Variants in RALGAPA1 observed in about 807,000 individuals in gnomAD.
RALGAPA1 encodes the protein ral GTPase-activating protein subunit alpha-1.
Under a neutral mutation model 269.6 loss-of-function variants are expected in RALGAPA1, and 52 were observed. The ratio of observed to expected loss-of-function variants is 0.19; its 90% CI spans 0.15 to 0.24. RALGAPA1 has a LOEUF of 0.24. Among genes scored for constraint, RALGAPA1 ranks in the 10% least tolerant of loss-of-function variants. The probability of loss-of-function intolerance (pLI) is 1.00; values close to 1 mark genes in which losing one functional copy is unlikely to be tolerated. For missense variants in RALGAPA1, 1,917 were observed against 3,013.9 expected (o/e 0.64, Z 8.52); for synonymous variants, 817 against 1,008.3 (o/e 0.81, Z 3.60).
intron 12 of RALGAPA1, among the ~76,000 whole-genome samples, chr14:35,730,063 G>T (rs1032205582): frequency 6.6e-6 from 1 of 152,170 alleles, no homozygotes; most frequent in African/African-American, 2.4e-5. Flanking sequence ...TGCTGTGAGT[G>T]CCCAAACGGC....
chr14:35,649,745 C>T (rs1435185278), intron 31 of RALGAPA1, among the ~76,000 whole-genome samples: 2 of 152,112 alleles, frequency 1.3e-5, no homozygotes, highest in Non-Finnish European at 2.9e-5. Context: ...GTATCTCATA[C>T]ATTTTTCTAC....
At position 35,800,889 on chromosome 14, in the gene RALGAPA1, C is replaced by T. The variant is rs143230360; in HGVS notation, c.106+7841G>A. 4.6e-3 allele frequency among the ~76,000 whole-genome samples: 703 copies of T among 152,144 alleles called. 4 individuals are homozygous for T. Among genetic ancestry groups the T allele is most frequent in the African/African-American group, 0.015 (643 of 41,526 alleles). ...GCGGGGTGGCGCATGCCTGTAGTCC[C>T]AGCTACTCGGGAGGCTGAGGCAGAA... On this transcript the variant is annotated intron_variant, in intron 1 of 41. Coordinates refer to ENST00000680220, the MANE Select transcript of RALGAPA1 (RefSeq NM_001346249.2).
intron 34 of RALGAPA1, among the ~76,000 whole-genome samples, chr14:35,626,624 TCCTA>T (rs1281502874): frequency 1.3e-5 from 2 of 152,180 alleles, no homozygotes; most frequent in Non-Finnish European, 2.9e-5. Flanking sequence ...TTCATTTAGC[TCCTA>T]CCTAACTTAC....
intron 10 of RALGAPA1, among the ~76,000 whole-genome samples, chr14:35,747,483 C>T (rs1230350652): frequency 6.6e-6 from 1 of 152,124 alleles, no homozygotes; most frequent in Non-Finnish European, 1.5e-5. Flanking sequence ...CAACACTGGA[C>T]AAAAATGAAA....
chr14:35,571,377 A>T (rs1314956305), intron 38 of RALGAPA1, among the ~76,000 whole-genome samples: 2 of 133,966 alleles, frequency 1.5e-5, no homozygotes, highest in South Asian at 5.0e-4. Flanking sequence ...ATATTCTTCA[A>T]TTTTTTTTTT....
chr14:35,805,978 G>A (rs1230851691), intron 1 of RALGAPA1, among the ~76,000 whole-genome samples: 10 of 151,952 alleles, frequency 6.6e-5, no homozygotes, highest in East Asian at 1.9e-4. Flanking sequence ...ATGAGCTACC[G>A]CACCCAGCTG....
chr14:35,561,506 G>GTTTTTT (rs750062810), intron 39 of RALGAPA1, among the ~76,000 whole-genome samples: 1 of 72,898 alleles, frequency 1.4e-5, no homozygotes, highest in Non-Finnish European at 2.5e-5. Flanking sequence ...TAATATAGGA[G>GTTTTTT]TTTTTTTTTT....
At chr14:35,737,640 TC>T (rs1274748216) in intron 12 of RALGAPA1, among the ~76,000 whole-genome samples, 1 of 150,944 alleles carries the variant, frequency 6.6e-6, no homozygotes, top group African/African-American at 2.4e-5. Flanking sequence ...GCACCTGTAA[TC>T]CCAGCTTCTT....
chr14:35,585,958 C>A (rs559132280), intron 37 of RALGAPA1, among the ~76,000 whole-genome samples: 1 of 152,238 alleles, frequency 6.6e-6, no homozygotes, highest in South Asian at 2.1e-4. Context: ...TCCACGTGAA[C>A]TTTAAAGTAG....
Position 35,683,881 on chromosome 14 carries a change from T to A in RALGAPA1, c.4399A>T (p.Thr1467Ser), listed in dbSNP as rs1463572598. 1 of 1,611,980 alleles carries A rather than the reference T, an allele frequency of 6.2e-7. No homozygotes were observed. The highest frequency in any genetic ancestry group is 8.5e-7 in the Non-Finnish European group (1 of 1,178,514). Reference protein sequence around the residue: ...AEEQEVASLTTLHIDSETSSL... With the variant: ...AEEQEVASLTSLHIDSETSSL... ...CTTGTTTCAGAATCTATATGAAGAG[T>A]AGTTAGACTAGCCACTTCCTGCTCT... Residue 1467 changes from threonine to serine, a missense_variant, in exon 21 of 42, where the codon ACT (threonine) becomes TCT (serine). This residue lies in a region of RALGAPA1 where 615 missense variants were observed against 790.0 expected (regional missense o/e 0.78). Coordinates refer to ENST00000680220, the MANE Select transcript of RALGAPA1 (RefSeq NM_001346249.2).
At chr14:35,780,463 T>A (rs555551622) in intron 1 of RALGAPA1, among the ~76,000 whole-genome samples, 1 of 152,218 alleles carries the variant, frequency 6.6e-6, no homozygotes, top group African/African-American at 2.4e-5. Context: ...ATAGACCATA[T>A]GTAAGGCCAT....
intron 30 of RALGAPA1, among the ~76,000 whole-genome samples, chr14:35,652,364 T>TTATATATATATATATA (rs10645179): frequency 3.9e-4 from 57 of 147,946 alleles, no homozygotes; most frequent in African/African-American, 1.3e-3. Context: ...GGCCTTTTGT[T>TTATATATATATATATA]TATATATATA....
chr14:35,616,747 G>A (rs1041950954), intron 35 of RALGAPA1, among the ~76,000 whole-genome samples: 2 of 152,158 alleles, frequency 1.3e-5, no homozygotes, highest in Non-Finnish European at 2.9e-5. Flanking sequence ...ATAAATTAAT[G>A]AGGCTGGTGA....
At chr14:35,619,491 C>A (rs1006352024) in intron 35 of RALGAPA1, among the ~76,000 whole-genome samples, 2 of 152,086 alleles carry the variant, frequency 1.3e-5, no homozygotes, top group African/African-American at 4.8e-5. Flanking sequence ...CAAGAAATAA[C>A]TAAGATCAGA....
chr14:35,639,832 G>A (rs544351061), intron 31 of RALGAPA1, among the ~76,000 whole-genome samples: 2 of 151,972 alleles, frequency 1.3e-5, no homozygotes, highest in Non-Finnish European at 2.9e-5. Context: ...CCAGCTACTC[G>A]GGAGGCTGAG....
chr14:35,664,952 G>T (rs554974518), intron 26 of RALGAPA1, among the ~76,000 whole-genome samples, 185 bp from the exon 27 acceptor site: 77 of 152,214 alleles, frequency 5.1e-4, no homozygotes, highest in African/African-American at 1.7e-3. Flanking sequence ...TACTGTTATT[G>T]TTAATAAATG....
chr14:35,656,765 GCTACCAAA>G (rs2063201147), intron 28 of RALGAPA1, among the ~76,000 whole-genome samples: 2 of 152,074 alleles, frequency 1.3e-5, no homozygotes, highest in Admixed American at 1.3e-4. Flanking sequence ...GAGTGTTAAG[GCTACCAAA>G]CTGTTTACTA....
rs1402993708 is a variant in RALGAPA1, at chr14:35,742,348, T to C, written c.1449+20A>G. ...AATCTATTAGACTAACACTAAAATA[T>C]ATAAATCTTATAACTTCACCTCTTC... On this transcript the variant is annotated intron_variant, in intron 11 of 41. Coordinates refer to ENST00000680220, the MANE Select transcript of RALGAPA1 (RefSeq NM_001346249.2). 1.3e-6 allele frequency: 2 copies of C among 1,525,166 alleles called. No homozygotes were observed. The highest frequency in any genetic ancestry group is 1.9e-5 in the Admixed American group (1 of 51,562). The allele number at this position is 1,525,166 out of a possible 1,614,324, so 94.5% of individuals were successfully genotyped here.
chr14:35,729,902 C>T (rs181389337), intron 12 of RALGAPA1, among the ~76,000 whole-genome samples: 62 of 152,196 alleles, frequency 4.1e-4, no homozygotes, highest in African/African-American at 1.4e-3. Flanking sequence ...ATTGCAGCTC[C>T]GACTTGGACA....
Sources: gnomAD v4.1 joint callset for allele counts (sites outside exome capture counted in the v4.1 genomes callset) on GRCh38, gnomAD v4.1.1 for gene constraint, gnomAD v4.1.1 regional missense constraint, MANE v1.5 for transcripts, NCBI Gene and HGNC (gene_info 2026-07-23, HGNC 2026-07-21) for gene names.